MPRIP: variants seen among roughly 807,000 people sequenced by gnomAD.
MPRIP encodes the protein myosin phosphatase Rho interacting protein, also known as myosin phosphatase Rho-interacting protein.
MPRIP carries 59 observed loss-of-function variants against 234.9 expected under a neutral mutation model. That is an observed-to-expected ratio of 0.25 (90% CI 0.20 to 0.31). The LOEUF (loss-of-function observed/expected upper bound fraction) is 0.31. Among genes scored for constraint, MPRIP ranks in the 10% least tolerant of loss-of-function variants. The pLI is 1.00. For missense variants in MPRIP, 2,436 were observed against 3,071.0 expected (o/e 0.79, Z 4.89); for synonymous variants, 1,144 against 1,263.9 (o/e 0.91, Z 2.01).
chr17:17,123,962 G>C (rs181406159), intron 3 of MPRIP, among the ~76,000 whole-genome samples: 2 of 152,336 alleles, frequency 1.3e-5, no homozygotes, highest in African/African-American at 2.4e-5. Context: ...GAGTGTAACT[G>C]TGAAATCTTG....
intron 3 of MPRIP, among the ~76,000 whole-genome samples, chr17:17,122,408 C>T (rs2090407929): frequency 6.6e-6 from 1 of 152,194 alleles, no homozygotes; most frequent in African/African-American, 2.4e-5. Context: ...GGCTGGAGTG[C>T]AGTGGCGCAA....
rs751129811 is a variant in MPRIP, at chr17:17,177,323, G to A, written c.7031G>A (p.Cys2344Tyr). The A allele has an allele frequency of 6.2e-7, 1 of 1,613,994 alleles. No homozygotes were observed. Among genetic ancestry groups the A allele is most frequent in the East Asian group, 2.2e-5 (1 of 44,886 alleles). Reference protein sequence around the residue: ...ELSIAKAKADCDISRLKEQLK... With the variant: ...ELSIAKAKADYDISRLKEQLK... ...AGCATCGCGAAGGCTAAGGCTGACT[G>A]TGACATCAGCAGGTTGAAGGAGCAG... The change falls in exon 22 of 24, where the codon TGT (cysteine) becomes TAT (tyrosine). Residue 2344 changes from cysteine (C) to tyrosine (Y), a missense_variant. Physicochemically the swap from Cys to Tyr is radical, Grantham distance 194. This residue lies in a region of MPRIP where 1,998 missense variants were observed against 2,520.3 expected (regional missense o/e 0.79). Coordinates refer to ENST00000651222, the MANE Select transcript of MPRIP (RefSeq NM_001364716.4).
intron 1 of MPRIP, among the ~76,000 whole-genome samples, chr17:17,047,902 A>G (rs1052076862): frequency 6.6e-6 from 1 of 152,010 alleles, no homozygotes; most frequent in African/African-American, 2.4e-5. Flanking sequence ...AAGGAGAGGA[A>G]CCAGCCTAGG....
chr17:17,187,100 G>T lies in MPRIP; in HGVS notation c.*2206G>T, dbSNP rs149710696. On this transcript the variant is annotated 3_prime_UTR_variant, in exon 24 of 24. Transcript: ENST00000651222. ...GCTCCCTGCCTTCTGCCCTCCAGGG[G>T]GTTCTGGCCAGAGTCCATGCTTGGA... is the stretch of plus-strand genomic sequence containing the variant. The T allele has an allele frequency of 2.0e-5, 3 of 152,424 alleles. No homozygotes were observed. Among genetic ancestry groups the T allele is most frequent in the East Asian group, 1.9e-4 (1 of 5,184 alleles). 9.4% of individuals were successfully genotyped at this position (152,424 alleles called of 1,614,324 possible). A position where few individuals can be genotyped will look rare whatever the true frequency, so the allele number is the denominator to read the frequency against.
chr17:17,082,918 C>T (rs537149702), intron 3 of MPRIP, among the ~76,000 whole-genome samples: 1 of 152,230 alleles, frequency 6.6e-6, no homozygotes, highest in East Asian at 1.9e-4. Flanking sequence ...AAAGATCATC[C>T]TGGTTGGTGT....
At chr17:17,131,523 C>T (rs2090596021) in intron 4 of MPRIP, 94 bp from the exon 5 acceptor site, 3 of 1,024,776 alleles carry the variant, frequency 2.9e-6, no homozygotes, top group Non-Finnish European at 4.6e-6. Flanking sequence ...GGACAATGCC[C>T]TGCTCTACTC....
intron 3 of MPRIP, among the ~76,000 whole-genome samples, chr17:17,091,919 A>G (rs1324862835): frequency 6.6e-6 from 1 of 152,242 alleles, no homozygotes; most frequent in Non-Finnish European, 1.5e-5. Flanking sequence ...GCAGCATTCT[A>G]TATAAACATC....
At chr17:17,164,014 AAGG>A (rs2045927647) in intron 15 of MPRIP, 92 bp from the exon 16 acceptor site, 1 of 817,624 alleles carries the variant, frequency 1.2e-6, no homozygotes, top group Non-Finnish European at 1.8e-6. Context: ...CAAAGCCATC[AAGG>A]AGCTTTCTGT....
In MPRIP at chr17:17,064,211, T is replaced by G. The variant is rs111431796; in HGVS notation, c.124-11499T>G. On this transcript the variant is annotated intron_variant, in intron 1 of 23. Transcript: ENST00000651222. ...TTTTCGGTTTTTTTTGTTTTGTTTT[T>G]TTTTTTTTGAGATGGAGTCTATCTC... Among the ~76,000 whole-genome samples the G allele has an allele frequency of 3.6e-3, 457 of 128,424 alleles. 1 individual carries two copies. In the South Asian group the frequency reaches 0.04, roughly 11 times the overall value. The allele number at this position is 128,424 out of a possible 152,430, so 84.3% of individuals were successfully genotyped here.
chr17:17,046,244 T>G (rs974808317), intron 1 of MPRIP, among the ~76,000 whole-genome samples: 1 of 152,266 alleles, frequency 6.6e-6, no homozygotes, highest in Non-Finnish European at 1.5e-5. Flanking sequence ...CCATTTTGCA[T>G]ATTAGGCCTT....
chr17:17,093,208 A>C (rs1251339160), intron 3 of MPRIP, among the ~76,000 whole-genome samples: 1 of 152,190 alleles, frequency 6.6e-6, no homozygotes, highest in Non-Finnish European at 1.5e-5. Context: ...CCCAAAGTCA[A>C]GTGTTTGAAT....
intron 2 of MPRIP, chr17:17,077,786 C>T: frequency 3.9e-6 from 2 of 506,488 alleles, no homozygotes; most frequent in South Asian, 5.5e-5. Flanking sequence ...TCTTATTAAG[C>T]CTCAATCACT....
chr17:17,140,453 AT>A (rs1451994530), intron 7 of MPRIP, among the ~76,000 whole-genome samples: 1 of 151,892 alleles, frequency 6.6e-6, no homozygotes, highest in Non-Finnish European at 1.5e-5. Flanking sequence ...GTGACATCTG[AT>A]TGGCTGCTGT....
chr17:17,114,805 C>T (rs903546959), intron 3 of MPRIP, among the ~76,000 whole-genome samples: 4 of 151,944 alleles, frequency 2.6e-5, no homozygotes, highest in African/African-American at 9.7e-5. Flanking sequence ...GGCCATTTGG[C>T]GGGGGCCCTG....
intron 3 of MPRIP, among the ~76,000 whole-genome samples, chr17:17,093,454 A>G (rs1263718122): frequency 6.6e-6 from 1 of 152,162 alleles, no homozygotes; most frequent in Non-Finnish European, 1.5e-5. Context: ...TTGGTGTGAT[A>G]GTGGGGCAGT....
rs368535516 is a variant in MPRIP at position 17,126,939 on chromosome 17, C to T, written c.419+86C>T. On this transcript the variant is annotated intron_variant, in intron 4 of 23. Transcript: ENST00000651222. ...GGGCCGCCTGCCCCTGTGGCAGTGTCGATGTTGTCTACTTCCCCGTGTGCC... is the reference window on the plus strand; with the variant it reads ...GGGCCGCCTGCCCCTGTGGCAGTGTTGATGTTGTCTACTTCCCCGTGTGCC... 2.7e-5 allele frequency: 40 copies of T among 1,500,380 alleles called. No individual in the cohort carries two copies. The East Asian group carries it at 7.3e-4, about 27-fold the overall frequency. The allele number at this position is 1,500,380 out of a possible 1,614,324, so 92.9% of individuals were successfully genotyped here.
At chr17:17,076,936 C>CTTTTTTTTT (rs5819598) in intron 2 of MPRIP, 4 of 91,382 alleles carry the variant, frequency 4.4e-5, no homozygotes, top group Admixed American at 1.5e-4. Flanking sequence ...GGGCTCTTTG[C>CTTTTTTTTT]TTTTTTTTTT....
chr17:17,048,470 C>T (rs565302237), intron 1 of MPRIP, among the ~76,000 whole-genome samples: 1 of 152,194 alleles, frequency 6.6e-6, no homozygotes, highest in South Asian at 2.1e-4. Flanking sequence ...GGGGAGATTT[C>T]GCATCCCCCC....
In MPRIP at chr17:17,138,060, G is replaced by A; in HGVS notation, c.881G>A (p.Ser294Asn). 1.3e-6 allele frequency: 2 copies of A among 1,523,518 alleles called. No individual in the cohort carries two copies. The highest frequency in any genetic ancestry group is 8.9e-7 in the Non-Finnish European group (1 of 1,125,756). The allele number at this position is 1,523,518 out of a possible 1,614,324, so 94.4% of individuals were successfully genotyped here. A position where few individuals can be genotyped will look rare whatever the true frequency, so the allele number is the denominator to read the frequency against. The change falls in exon 7 of 24, where the codon AGC becomes AAC. Residue 294 changes from serine (S) to asparagine (N), a missense_variant. This residue lies in a region of MPRIP where 267 missense variants were observed against 252.7 expected (regional missense o/e 1.06). Transcript: ENST00000651222. The surrounding 1 kb of genome is among the most constrained non-coding windows in gnomAD (Gnocchi z 5.8). ...CCGCCGCTCTCCCCTCCCAGCCCCA[G>A]CACCCCCAACCACAGGTACAGTTGC... ...LPPPLSPPSP[S>N]TPNHRYSCPE...
Sources: gnomAD v4.1 joint callset for allele counts (sites outside exome capture counted in the v4.1 genomes callset) on GRCh38, gnomAD v4.1.1 for gene constraint, gnomAD v4.1.1 regional missense constraint, Gnocchi (gnomAD v3.1) non-coding constraint, MANE v1.5 for transcripts, NCBI Gene and HGNC (gene_info 2026-07-23, HGNC 2026-07-21) for gene names.